PXYLP1: variants seen among roughly 807,000 people sequenced by gnomAD.
PXYLP1 encodes the protein acid phosphatase-like 2.
In PXYLP1, 17 loss-of-function variants were observed where a neutral mutation model predicts 37.9. The observed-to-expected ratio is 0.45, with a 90% CI of 0.31 to 0.67. The LOEUF (loss-of-function observed/expected upper bound fraction) is 0.67. Ranked by LOEUF, PXYLP1 falls within the 30% of genes least tolerant of loss-of-function variation. PXYLP1 has a pLI of 0.07. For synonymous variants in PXYLP1, 221 were observed against 232.2 expected, an observed-to-expected ratio of 0.95 and a Z score of 0.44; for missense variants, 511 against 612.0, an observed-to-expected ratio of 0.84 and a Z score of 1.74.
intron 5 of PXYLP1, among the ~76,000 whole-genome samples, chr3:141,289,991 A>G (rs1179824166): frequency 2.6e-5 from 4 of 152,202 alleles, no homozygotes; most frequent in Non-Finnish European, 5.9e-5. Context: ...TCATTTTTGT[A>G]ATACTGTCTG....
chr3:141,292,641 C>T lies in PXYLP1; in HGVS notation c.879C>T (p.Asn293=). The change falls in exon 6 of 6, where the codon AAC becomes AAT. Residue 293 remains asparagine (N), a synonymous_variant. Coordinates refer to ENST00000286353, the MANE Select transcript of PXYLP1 (RefSeq NM_001037172.3). This position sits in a 1 kb window ranked among gnomAD's most constrained non-coding sequence, Gnocchi z 4.3. ...DVPTKQLRAA[N]PIDSMLCHFC... is the part of the protein sequence containing the mutation. ...CCACCAAGCAGCTTAGAGCTGCCAA[C>T]CCCATAGACTCCATGCTCTGCCACT... 1.2e-6 allele frequency: 2 copies of T among 1,613,500 alleles called. No homozygotes were observed. Among genetic ancestry groups the T allele is most frequent in the East Asian group, 4.5e-5 (2 of 44,886 alleles).
intron 4 of PXYLP1, among the ~76,000 whole-genome samples, chr3:141,285,535 A>G (rs951689843): frequency 6.6e-6 from 1 of 152,194 alleles, no homozygotes; most frequent in Admixed American, 6.5e-5. Context: ...AAAAAAAAAC[A>G]AAAATAAAAA....
At chr3:141,238,991 C>T (rs1217114784) in intron 1 of PXYLP1, among the ~76,000 whole-genome samples, 1 of 150,868 alleles carries the variant, frequency 6.6e-6, no homozygotes, top group African/African-American at 2.4e-5. Context: ...ACGTGTAAGT[C>T]GACCTGCTCA....
In PXYLP1 at chr3:141,262,110, T is replaced by G. The variant is rs138562739; in HGVS notation, c.79+1856T>G. The G allele has an allele frequency of 6.9e-3, 1,445 of 210,816 alleles. 12 individuals are homozygous for G. The highest frequency in any genetic ancestry group is 9.4e-3 in the Admixed American group (145 of 15,356). The allele number at this position is 210,816 out of a possible 1,614,324, so 13.1% of individuals were successfully genotyped here. On this transcript the variant is annotated intron_variant, in intron 2 of 5. Coordinates refer to ENST00000286353, the MANE Select transcript of PXYLP1 (RefSeq NM_001037172.3). ...GGGAAGGCTTGGCTCTAGGAGGAGG[T>G]GGTTTCAAGAGAGGAGACTTTGAGG...
intron 4 of PXYLP1, among the ~76,000 whole-genome samples, chr3:141,286,212 A>G (rs982013403): frequency 2.6e-5 from 4 of 152,248 alleles, no homozygotes; most frequent in Non-Finnish European, 5.9e-5. Flanking sequence ...TTATATTCAT[A>G]GGTCATTTCA....
intron 2 of PXYLP1, chr3:141,274,660 G>A: frequency 1.4e-6 from 1 of 719,838 alleles, no homozygotes; most frequent in Non-Finnish European, 2.5e-6. Context: ...CAGTCAGCGG[G>A]GGATATAAAT....
intron 1 of PXYLP1, among the ~76,000 whole-genome samples, chr3:141,247,424 A>G (rs1940986014): frequency 4.6e-5 from 7 of 152,242 alleles, no homozygotes; most frequent in Admixed American, 4.6e-4. Context: ...TTATAAAACA[A>G]GGCTTTCAGG....
At chr3:141,259,484 T>C (rs151021021) in intron 1 of PXYLP1, among the ~76,000 whole-genome samples, 215 of 152,026 alleles carry the variant, frequency 1.4e-3, no homozygotes, top group African/African-American at 4.9e-3. Context: ...GTTAGGGGAA[T>C]TTTGAATAGG....
intron 1 of PXYLP1, among the ~76,000 whole-genome samples, chr3:141,245,689 G>A (rs998977674): frequency 6.6e-6 from 1 of 152,224 alleles, no homozygotes; most frequent in Non-Finnish European, 1.5e-5. Flanking sequence ...ATTGGCACAA[G>A]GAGTGTCCAG....
At chr3:141,278,225 C>A in intron 2 of PXYLP1, 117 bp from the exon 3 acceptor site, 1 of 1,205,324 alleles carries the variant, frequency 8.3e-7, no homozygotes, top group Non-Finnish European at 1.2e-6. Context: ...CTGAAGTGCA[C>A]CTTGATTCTC....
chr3:141,292,156 A>C lies in PXYLP1; in HGVS notation c.506-112A>C, dbSNP rs1353653639. The C allele has an allele frequency of 1.0e-6, 1 of 996,656 alleles. No individual in the cohort carries two copies. Among genetic ancestry groups the C allele is most frequent in the Non-Finnish European group, 1.5e-6 (1 of 671,374 alleles). The allele number at this position is 996,656 out of a possible 1,614,324, so 61.7% of individuals were successfully genotyped here. On this transcript the variant is annotated intron_variant, in intron 5 of 5. Transcript: ENST00000286353. This position sits in a 1 kb window ranked among gnomAD's most constrained non-coding sequence, Gnocchi z 4.3. ...TCCACACCATGGGGAAACAGGCTGG[A>C]TGCCATTCTCTTGCCCTAAAACACT...
At chr3:141,233,598 G>T (rs897394416) in intron 1 of PXYLP1, among the ~76,000 whole-genome samples, 1 of 151,874 alleles carries the variant, frequency 6.6e-6, no homozygotes, top group Admixed American at 6.6e-5. Flanking sequence ...TAAATTAATT[G>T]CTTATCTCAG....
rs776385551 is a variant in PXYLP1, at chr3:141,293,020, C to T, written c.1258C>T (p.Arg420Trp). 23 of 1,614,028 alleles carry T rather than the reference C, an allele frequency of 1.4e-5. No homozygotes were observed. The highest frequency in any genetic ancestry group is 1.8e-5 in the Non-Finnish European group (21 of 1,180,040). The change falls in exon 6 of 6, where the codon CGG (arginine) becomes TGG (tryptophan). Residue 420 changes from arginine to tryptophan, a missense_variant. Transcript: ENST00000286353. ...AGAAAAGCCCAGTGAACATTCCGTCCGGATTCTTTACAATGGCGTCGATGT... is the reference window on the plus strand; with the variant it reads ...AGAAAAGCCCAGTGAACATTCCGTCTGGATTCTTTACAATGGCGTCGATGT... ...DREKPSEHSV[R>W]ILYNGVDVTF...
At chr3:141,244,739 G>A (rs1021754821) in intron 1 of PXYLP1, among the ~76,000 whole-genome samples, 1 of 151,070 alleles carries the variant, frequency 6.6e-6, no homozygotes. Flanking sequence ...TTTTCCAACT[G>A]TTTCCCTATG....
chr3:141,243,589 C>T lies in PXYLP1; in HGVS notation c.-54+11678C>T, dbSNP rs557511295. Among the ~76,000 whole-genome samples the T allele has an allele frequency of 3.9e-5, 6 of 152,386 alleles. No individual in the cohort carries two copies. In the East Asian group the frequency reaches 7.7e-4, roughly 20 times the overall value. On this transcript the variant is annotated intron_variant, in intron 1 of 5. Coordinates refer to ENST00000286353, the MANE Select transcript of PXYLP1 (RefSeq NM_001037172.3). ...CCTTTTAGTTTAGCACAGTTTCCGC[C>T]TCTTTCACGCAGCCCTCTCGCTGAT... is the stretch of plus-strand genomic sequence containing the variant.
intron 1 of PXYLP1, among the ~76,000 whole-genome samples, chr3:141,256,086 C>A (rs1379524214): frequency 1.3e-5 from 2 of 152,164 alleles, no homozygotes; most frequent in African/African-American, 4.8e-5. Context: ...GAAAGCAGAG[C>A]CACAGCATGG....
chr3:141,265,501 G>A (rs780263391), intron 2 of PXYLP1, among the ~76,000 whole-genome samples: 2 of 151,976 alleles, frequency 1.3e-5, no homozygotes, highest in Non-Finnish European at 2.9e-5. Flanking sequence ...GGGTGATGCT[G>A]GGAGGCACCT....
intron 1 of PXYLP1, 114 bp from the exon 2 acceptor site, chr3:141,260,009 C>CA: frequency 1.4e-6 from 1 of 704,808 alleles, no homozygotes; most frequent in Non-Finnish European, 2.3e-6. Context: ...TGCTTCCCTG[C>CA]CGGGGGACTG....
chr3:141,262,345 G>A, intron 2 of PXYLP1: 1 of 1,017,910 alleles, frequency 9.8e-7, no homozygotes, highest in Non-Finnish European at 1.2e-6. Context: ...AGTGTGGTAA[G>A]ATATTCAGTA....
Sources: allele counts gnomAD v4.1 joint callset (sites outside exome capture counted in the v4.1 genomes callset), GRCh38; gene constraint gnomAD v4.1.1; non-coding constraint Gnocchi (gnomAD v3.1); transcripts MANE v1.5; gene names NCBI Gene and HGNC (gene_info 2026-07-23, HGNC 2026-07-21).